The following SLC24A3 variants were observed in gnomAD, a reference collection of about 807,000 sequenced individuals.
The protein encoded by SLC24A3 is solute carrier family 24 member 3.
Under a neutral mutation model 75.8 loss-of-function variants are expected in SLC24A3, and 28 were observed. The observed-to-expected ratio is 0.37, with a 90% CI of 0.27 to 0.51. SLC24A3 has a LOEUF of 0.51. Among genes scored for constraint, SLC24A3 ranks in the 20% least tolerant of loss-of-function variants. SLC24A3 has a pLI of 0.94. For missense variants in SLC24A3, 663 were observed against 847.8 expected, an observed-to-expected ratio of 0.78 and a Z score of 2.71; for synonymous variants, 372 against 334.1, an observed-to-expected ratio of 1.11 and a Z score of -1.24.
intron 2 of SLC24A3, among the ~76,000 whole-genome samples, chr20:19,365,064 C>T (rs1439458650): frequency 6.6e-6 from 1 of 152,148 alleles, no homozygotes; most frequent in Non-Finnish European, 1.5e-5. Context: ...CCCATGGCTA[C>T]TCCATAGAGC....
intron 3 of SLC24A3, among the ~76,000 whole-genome samples, chr20:19,534,020 G>A (rs1476166092): frequency 1.3e-5 from 2 of 152,238 alleles, no homozygotes; most frequent in African/African-American, 2.4e-5. Context: ...GCAGGGTTCA[G>A]TTGACTCTAT....
chr20:19,511,367 A>G (rs1409014464), intron 2 of SLC24A3, among the ~76,000 whole-genome samples: 4 of 147,642 alleles, frequency 2.7e-5, no homozygotes, highest in Non-Finnish European at 3.0e-5. Context: ...TCGCTCTGTC[A>G]CCCAGGCTGG....
intron 2 of SLC24A3, among the ~76,000 whole-genome samples, chr20:19,466,850 CT>C (rs1802170940): frequency 6.6e-6 from 1 of 152,168 alleles, no homozygotes; most frequent in Admixed American, 6.5e-5. Context: ...AGACCTCCCA[CT>C]CAGAAAGTGT....
intron 2 of SLC24A3, among the ~76,000 whole-genome samples, chr20:19,381,883 G>A (rs961769246): frequency 6.6e-6 from 1 of 152,144 alleles, no homozygotes; most frequent in African/African-American, 2.4e-5. Flanking sequence ...TGACTGGAGG[G>A]GCAGGCAGGC....
intron 3 of SLC24A3, among the ~76,000 whole-genome samples, chr20:19,526,863 A>G (rs545187775): frequency 2.0e-5 from 3 of 152,316 alleles, no homozygotes; most frequent in African/African-American, 2.4e-5. Flanking sequence ...GAATTGATCA[A>G]TCCATGCCAG....
chr20:19,373,102 C>T (rs553470611), intron 2 of SLC24A3, among the ~76,000 whole-genome samples: 13 of 152,032 alleles, frequency 8.6e-5, no homozygotes, highest in African/African-American at 3.1e-4. Flanking sequence ...GAGATCCTGG[C>T]AATGTCCTCT....
At chr20:19,716,232 G>A (rs994039275) in intron 15 of SLC24A3, among the ~76,000 whole-genome samples, 3 of 151,998 alleles carry the variant, frequency 2.0e-5, no homozygotes, top group African/African-American at 7.2e-5. Flanking sequence ...CTATTTTGGG[G>A]CAGCCGGCCT....
chr20:19,686,584 G>A lies in SLC24A3; in HGVS notation c.1324+1223G>A, dbSNP rs138413320. ...AATGTGCAGGATTATCTGAAGAAAC[G>A]TTTGATTGACTTGAAAGCCCATTTA... On this transcript the variant is annotated intron_variant, in intron 12 of 16. Coordinates refer to ENST00000328041, the MANE Select transcript of SLC24A3 (RefSeq NM_020689.4). 1.4e-3 allele frequency among the ~76,000 whole-genome samples: 209 copies of A among 152,310 alleles called. 1 individual carries two copies. Among genetic ancestry groups the A allele is most frequent in the Middle Eastern group, 3.4e-3 (1 of 294 alleles).
At chr20:19,636,366 C>T (rs1359908428) in intron 6 of SLC24A3, among the ~76,000 whole-genome samples, 2 of 152,092 alleles carry the variant, frequency 1.3e-5, no homozygotes, top group African/African-American at 4.8e-5. Context: ...ATCAGTTGGT[C>T]CTTGCTCATC....
chr20:19,461,499 T>C (rs1013669144), intron 2 of SLC24A3, among the ~76,000 whole-genome samples: 20 of 151,960 alleles, frequency 1.3e-4, no homozygotes, highest in Admixed American at 7.2e-4. Flanking sequence ...CGCCAGATAC[T>C]TGTCTACGTC....
chr20:19,560,263 G>A (rs1356383776), intron 3 of SLC24A3, among the ~76,000 whole-genome samples: 1 of 152,218 alleles, frequency 6.6e-6, no homozygotes, highest in Non-Finnish European at 1.5e-5. Flanking sequence ...GAGGAACTAT[G>A]TAGACCACAA....
intron 2 of SLC24A3, among the ~76,000 whole-genome samples, chr20:19,514,833 A>C (rs2029952183): frequency 6.6e-6 from 1 of 152,170 alleles, no homozygotes; most frequent in African/African-American, 2.4e-5. Flanking sequence ...CCAGCCACAA[A>C]TGGAGGTCAA....
intron 12 of SLC24A3, among the ~76,000 whole-genome samples, chr20:19,691,354 A>G (rs1354367699): frequency 1.3e-5 from 2 of 152,196 alleles, no homozygotes; most frequent in African/African-American, 2.4e-5. Context: ...AGGCAGGAAA[A>G]GGCTTGGAGT....
chr20:19,237,753 A>G (rs1982207512), intron 1 of SLC24A3, among the ~76,000 whole-genome samples: 1 of 152,184 alleles, frequency 6.6e-6, no homozygotes. Flanking sequence ...CAGGAGAGAT[A>G]TGCAGCTCTC....
At chr20:19,228,944 T>C (rs1981942697) in intron 1 of SLC24A3, among the ~76,000 whole-genome samples, 1 of 152,202 alleles carries the variant, frequency 6.6e-6, no homozygotes, top group Non-Finnish European at 1.5e-5. Context: ...TCTATGTTCC[T>C]CTATGTTCTG....
chr20:19,406,201 T>C (rs1048876890), intron 2 of SLC24A3, among the ~76,000 whole-genome samples: 1 of 149,798 alleles, frequency 6.7e-6, no homozygotes, highest in African/African-American at 2.5e-5. Flanking sequence ...TGTGTGTGTG[T>C]GTGTGTGCGT....
intron 3 of SLC24A3, among the ~76,000 whole-genome samples, chr20:19,520,757 T>G (rs1433245503): frequency 1.3e-5 from 2 of 152,196 alleles, no homozygotes; most frequent in Non-Finnish European, 2.9e-5. Flanking sequence ...CCGCACTTCT[T>G]TCTTCCTCCC....
Position 19,549,692 on chromosome 20 carries a change from G to A in SLC24A3, c.349-30308G>A, listed in dbSNP as rs113002368. Among the ~76,000 whole-genome samples, 44 of 152,300 alleles carry A rather than the reference G, an allele frequency of 2.9e-4. 1 individual carries two copies. Among genetic ancestry groups the A allele is most frequent in the African/African-American group, 9.6e-4 (40 of 41,562 alleles). The stretch of plus-strand genomic sequence containing the variant: ...CCAGCTACTCAGGAGGCTGAGGCAC[G>A]AGAATTGCTTGAACCTGGGAGATAG... On this transcript the variant is annotated intron_variant, in intron 3 of 16. Transcript: ENST00000328041.
intron 12 of SLC24A3, among the ~76,000 whole-genome samples, chr20:19,687,292 G>A (rs1031227846): frequency 3.9e-5 from 6 of 152,162 alleles, no homozygotes; most frequent in Admixed American, 3.9e-4. Context: ...ACCTGGATGT[G>A]TGGAGCTCTT....
Sources: gnomAD v4.1 joint callset for allele counts (sites outside exome capture counted in the v4.1 genomes callset) on GRCh38, gnomAD v4.1.1 for gene constraint, MANE v1.5 for transcripts, NCBI Gene and HGNC (gene_info 2026-07-23, HGNC 2026-07-21) for gene names.